Variants in NRG3 observed in about 807,000 individuals in gnomAD.
NRG3 encodes pro-neuregulin-3, membrane-bound isoform.
Under a neutral mutation model 66.9 loss-of-function variants are expected in NRG3, and 31 were observed. The ratio of observed to expected loss-of-function variants is 0.46; its 90% CI spans 0.35 to 0.63. The LOEUF (loss-of-function observed/expected upper bound fraction) is 0.63, where lower values mean the gene tolerates loss of function less well. NRG3 is among the 20% of genes least tolerant of loss of function. NRG3 has a pLI of 0.00. For synonymous variants in NRG3, 393 were observed against 359.4 expected (o/e 1.09, Z -1.06); for missense variants, 910 against 878.9 (o/e 1.04, Z -0.45).
At chr10:82,485,216 C>G (rs1268887319) in intron 2 of NRG3, among the ~76,000 whole-genome samples, 1 of 151,958 alleles carries the variant, frequency 6.6e-6, no homozygotes, top group Non-Finnish European at 1.5e-5. Flanking sequence ...CTGCTCTAAC[C>G]AAATAGTCTT....
Position 82,592,560 on chromosome 10 carries a change from G to A in NRG3, c.954-146017G>A, listed in dbSNP as rs556916527. On this transcript the variant is annotated intron_variant, in intron 2 of 8. Coordinates refer to ENST00000372141, the MANE Select transcript of NRG3 (RefSeq NM_001010848.4). Reference sequence around the variant, plus strand: ...TACTCATGTGCCAAATGGAAGCCATGGTACCAGCACATAGCAGAGGCAGTC... The same window carrying A: ...TACTCATGTGCCAAATGGAAGCCATAGTACCAGCACATAGCAGAGGCAGTC... Among the ~76,000 whole-genome samples, 26 of 152,272 alleles carry A rather than the reference G, an allele frequency of 1.7e-4. No individual in the cohort carries two copies. The South Asian group carries it at 5.0e-3, about 29-fold the overall frequency.
chr10:81,977,703 T>C (rs890375117), intron 1 of NRG3, among the ~76,000 whole-genome samples: 5 of 152,180 alleles, frequency 3.3e-5, no homozygotes, highest in Non-Finnish European at 7.4e-5. Flanking sequence ...GTTTTGAAAG[T>C]TCGTTTCTGG....
At chr10:82,015,485 A>G (rs191549998) in intron 1 of NRG3, among the ~76,000 whole-genome samples, 99 of 152,048 alleles carry the variant, frequency 6.5e-4, no homozygotes, top group African/African-American at 2.2e-3. Flanking sequence ...TATAATCCCA[A>G]CGTGTGAAGG....
At chr10:82,296,831 G>T (rs1192665938) in intron 1 of NRG3, among the ~76,000 whole-genome samples, 4 of 151,584 alleles carry the variant, frequency 2.6e-5, no homozygotes, top group African/African-American at 9.7e-5. Context: ...TGTTAAATGG[G>T]TATATTTGGT....
chr10:82,930,426 A>G (rs1435193600), intron 4 of NRG3, among the ~76,000 whole-genome samples: 1 of 152,226 alleles, frequency 6.6e-6, no homozygotes, highest in African/African-American at 2.4e-5. Context: ...CTTCAGAGAT[A>G]CTGAGAATTG....
chr10:82,305,217 A>T (rs546306733), intron 1 of NRG3, among the ~76,000 whole-genome samples: 1 of 151,830 alleles, frequency 6.6e-6, no homozygotes, highest in South Asian at 2.1e-4. Context: ...GGATGGTCTC[A>T]ATCTCCTGAC....
chr10:81,891,383 C>T (rs1044714769), intron 1 of NRG3, among the ~76,000 whole-genome samples: 3 of 152,126 alleles, frequency 2.0e-5, no homozygotes, highest in African/African-American at 7.2e-5. Flanking sequence ...CAATATGGCG[C>T]ACTTTAAGGT....
At position 82,041,292 on chromosome 10, in the gene NRG3, C is replaced by A. The variant is rs182876392; in HGVS notation, c.823+165129C>A. Among the ~76,000 whole-genome samples, 238 of 152,068 alleles carry A rather than the reference C, an allele frequency of 1.6e-3. 1 individual carries two copies. The highest frequency in any genetic ancestry group is 4.9e-3 in the Admixed American group (75 of 15,256). ...AGTGAAGGTTTACAAGTCTCCCTTGCGCTTGTGCATATGGATTAACTTCAC... is the reference window on the plus strand; with the variant it reads ...AGTGAAGGTTTACAAGTCTCCCTTGAGCTTGTGCATATGGATTAACTTCAC... On this transcript the variant is annotated intron_variant, in intron 1 of 8. Transcript: ENST00000372141.
chr10:82,299,540 T>G (rs1471773952), intron 1 of NRG3, among the ~76,000 whole-genome samples: 1 of 126,416 alleles, frequency 7.9e-6, no homozygotes, highest in Non-Finnish European at 1.6e-5. Flanking sequence ...AGGGCTCCAA[T>G]CCAGCCCTGT....
At chr10:82,009,364 T>C (rs1222111733) in intron 1 of NRG3, among the ~76,000 whole-genome samples, 1 of 152,138 alleles carries the variant, frequency 6.6e-6, no homozygotes, top group Non-Finnish European at 1.5e-5. Context: ...TGTCTTCCTT[T>C]TATTTCCCCT....
At chr10:82,839,087 C>A (rs551744932) in intron 3 of NRG3, among the ~76,000 whole-genome samples, 1 of 152,100 alleles carries the variant, frequency 6.6e-6, no homozygotes, top group Non-Finnish European at 1.5e-5. Flanking sequence ...GAGATTTATG[C>A]GAGCTACAAT....
At chr10:82,739,896 A>T (rs1233649532) in intron 3 of NRG3, among the ~76,000 whole-genome samples, 2 of 152,182 alleles carry the variant, frequency 1.3e-5, no homozygotes, top group African/African-American at 4.8e-5. Context: ...CCACTTGCTC[A>T]GGTGGCCTCT....
intron 1 of NRG3, among the ~76,000 whole-genome samples, chr10:82,072,574 A>G (rs1385433442): frequency 2.0e-5 from 3 of 152,170 alleles, no homozygotes; most frequent in Non-Finnish European, 2.9e-5. Flanking sequence ...TGCTCTGCTT[A>G]TAGAACGTGC....
intron 2 of NRG3, among the ~76,000 whole-genome samples, chr10:82,417,793 G>C (rs1468561336): frequency 1.3e-5 from 2 of 152,152 alleles, no homozygotes; most frequent in Non-Finnish European, 2.9e-5. Flanking sequence ...GCAAGGGAAG[G>C]AGCTAGAGAG....
At position 81,926,907 on chromosome 10, in the gene NRG3, C is replaced by T. The variant is rs574090326; in HGVS notation, c.823+50744C>T. ...TATAAATGAGATAATAATATTTACC[C>T]GGAAGAGGGGTTGTGACAACTCAGT... On this transcript the variant is annotated intron_variant, in intron 1 of 8. Transcript: ENST00000372141. Among the ~76,000 whole-genome samples, 12 of 152,232 alleles carry T rather than the reference C, an allele frequency of 7.9e-5. No individual in the cohort carries two copies. In the South Asian group the frequency reaches 2.3e-3, roughly 29 times the overall value.
intron 2 of NRG3, among the ~76,000 whole-genome samples, chr10:82,419,003 C>T (rs1221985133): frequency 6.6e-6 from 1 of 151,992 alleles, no homozygotes; most frequent in Non-Finnish European, 1.5e-5. Flanking sequence ...AAAACCAAAC[C>T]CTCAAAATTG....
chr10:81,903,992 ATATAT>A (rs745668837), intron 1 of NRG3, among the ~76,000 whole-genome samples: 2,898 of 100,180 alleles, frequency 0.029, 34 homozygotes, highest in East Asian at 0.12. Context: ...ATATATATAT[ATATAT>A]TTTTTTTTTT....
chr10:82,655,646 C>G (rs919176964), intron 2 of NRG3, among the ~76,000 whole-genome samples: 1 of 152,142 alleles, frequency 6.6e-6, no homozygotes, highest in Non-Finnish European at 1.5e-5. Flanking sequence ...ATCTATTTAT[C>G]CTACATATCT....
In NRG3 at chr10:82,046,007, C is replaced by T. The variant is rs1044331458; in HGVS notation, c.823+169844C>T. 1.1e-4 allele frequency among the ~76,000 whole-genome samples: 16 copies of T among 146,212 alleles called. 1 individual carries two copies. The highest frequency in any genetic ancestry group is 2.0e-4 in the Non-Finnish European group (13 of 66,400). On this transcript the variant is annotated intron_variant, in intron 1 of 8. Coordinates refer to ENST00000372141, the MANE Select transcript of NRG3 (RefSeq NM_001010848.4). ...AGTTTGAAGTCAGGTAGCGTGATGC[C>T]TCCAGGTTTGTTCTTTTGGCTTAGG... is the stretch of plus-strand genomic sequence containing the variant.
Sources: allele counts gnomAD v4.1 joint callset (sites outside exome capture counted in the v4.1 genomes callset), GRCh38; gene constraint gnomAD v4.1.1; transcripts MANE v1.5; gene names NCBI Gene and HGNC (gene_info 2026-07-23, HGNC 2026-07-21).